The following PPP1R9A variants were observed in gnomAD, a reference collection of about 807,000 sequenced individuals.
The protein encoded by PPP1R9A is protein phosphatase 1 regulatory subunit 9A.
A neutral mutation model predicts 141.9 loss-of-function variants in PPP1R9A; 59 were observed. The ratio of observed to expected loss-of-function variants is 0.42; its 90% CI spans 0.34 to 0.52. PPP1R9A has a LOEUF of 0.52. PPP1R9A is among the 20% of genes least tolerant of loss of function. The pLI, the probability that PPP1R9A is intolerant of heterozygous loss-of-function variation, is 0.10. For synonymous variants in PPP1R9A, 500 were observed against 569.7 expected, an observed-to-expected ratio of 0.88 and a Z score of 1.74; for missense variants, 1,444 against 1,611.9, an observed-to-expected ratio of 0.90 and a Z score of 1.78.
At chr7:95,159,925 C>CAAAAAAAAA (rs751687197) in intron 4 of PPP1R9A, among the ~76,000 whole-genome samples, 1 of 106,672 alleles carries the variant, frequency 9.4e-6, no homozygotes, top group Non-Finnish European at 1.9e-5. Flanking sequence ...GACATTGTCT[C>CAAAAAAAAA]AAAAAAAAAA....
intron 2 of PPP1R9A, among the ~76,000 whole-genome samples, chr7:95,013,727 C>T (rs898491144): frequency 3.3e-5 from 5 of 151,962 alleles, no homozygotes; most frequent in Non-Finnish European, 2.9e-5. Context: ...GCTACCAGTG[C>T]AAAAAGAAAT....
At chr7:95,255,236 G>T (rs1799416362) in intron 12 of PPP1R9A, among the ~76,000 whole-genome samples, 1 of 152,130 alleles carries the variant, frequency 6.6e-6, no homozygotes, top group Admixed American at 6.6e-5. Context: ...TAGGCTAAAA[G>T]CTTGTAATAT....
intron 3 of PPP1R9A, among the ~76,000 whole-genome samples, chr7:95,119,537 A>G (rs1201488752): frequency 3.9e-5 from 6 of 152,060 alleles, no homozygotes; most frequent in African/African-American, 1.4e-4. Flanking sequence ...TCACTGCAAC[A>G]TCTGCCTCCC....
intron 16 of PPP1R9A, among the ~76,000 whole-genome samples, chr7:95,283,801 G>C (rs184870069): frequency 6.6e-6 from 1 of 152,272 alleles, no homozygotes; most frequent in East Asian, 1.9e-4. Flanking sequence ...CATGGCAATA[G>C]CAATACGAAA....
intron 2 of PPP1R9A, among the ~76,000 whole-genome samples, chr7:95,014,730 A>T (rs944038381): frequency 3.3e-5 from 5 of 152,068 alleles, no homozygotes; most frequent in African/African-American, 1.2e-4. Flanking sequence ...CATTACTATG[A>T]TAGTTGTAAA....
chr7:95,211,132 A>G (rs2152912031), intron 7 of PPP1R9A, among the ~76,000 whole-genome samples: 1 of 139,932 alleles, frequency 7.1e-6, no homozygotes, highest in Admixed American at 7.3e-5. Flanking sequence ...TGTATCCCAG[A>G]ACTTAAAGTA....
At chr7:95,266,788 A>G (rs1470687713) in intron 12 of PPP1R9A, among the ~76,000 whole-genome samples, 1 of 152,128 alleles carries the variant, frequency 6.6e-6, no homozygotes, top group African/African-American at 2.4e-5. Context: ...TACAGCTTTC[A>G]TCTACGTGGT....
At chr7:94,932,996 T>C (rs190903955) in intron 2 of PPP1R9A, among the ~76,000 whole-genome samples, 4 of 152,112 alleles carry the variant, frequency 2.6e-5, no homozygotes, top group Admixed American at 6.6e-5. Context: ...CACACAGATA[T>C]AGATTTTCTC....
chr7:95,161,953 A>G lies in PPP1R9A; in HGVS notation c.1736A>G (p.Asn579Ser), dbSNP rs1830518551. 6.2e-7 allele frequency: 1 copy of G among 1,608,736 alleles called. No individual in the cohort carries two copies. The highest frequency in any genetic ancestry group is 8.5e-7 in the Non-Finnish European group (1 of 1,176,696). ...AATTTTGCAGCAACAGTTCTCAGAA[A>G]CACCAAGGGCAACGTCAGGTAAATA... ...TQNFAATVLR[N>S]TKGNVRFVIG... The change falls in exon 5 of 20, where the codon AAC becomes AGC. Residue 579 changes from asparagine to serine, a missense_variant. Asn to Ser is a conservative substitution (Grantham distance 46). Coordinates refer to ENST00000433360, the MANE Select transcript of PPP1R9A (RefSeq NM_001166160.2).
intron 4 of PPP1R9A, chr7:95,155,834 T>C (rs1369000074): frequency 6.6e-6 from 1 of 152,266 alleles, no homozygotes; most frequent in Non-Finnish European, 1.5e-5. Flanking sequence ...ACATACAATC[T>C]ATTTAATATT....
chr7:95,170,103 G>C (rs1241742525), intron 5 of PPP1R9A, among the ~76,000 whole-genome samples: 2 of 151,672 alleles, frequency 1.3e-5, no homozygotes, highest in Non-Finnish European at 3.0e-5. Flanking sequence ...AATGTACATT[G>C]GATGGGATAA....
chr7:95,134,717 G>A (rs530188569), intron 4 of PPP1R9A, among the ~76,000 whole-genome samples: 6 of 152,308 alleles, frequency 3.9e-5, no homozygotes, highest in African/African-American at 7.2e-5. Context: ...TTACAGGCAT[G>A]AGCCACCACG....
At chr7:94,985,128 T>C (rs1323683943) in intron 2 of PPP1R9A, among the ~76,000 whole-genome samples, 1 of 152,206 alleles carries the variant, frequency 6.6e-6, no homozygotes, top group Non-Finnish European at 1.5e-5. Flanking sequence ...TCAGTTTCCA[T>C]GTAGTTGTGC....
intron 2 of PPP1R9A, among the ~76,000 whole-genome samples, chr7:94,924,377 A>G (rs1361725657): frequency 6.6e-6 from 1 of 152,188 alleles, no homozygotes; most frequent in Non-Finnish European, 1.5e-5. Context: ...TGTGAGTAGT[A>G]GCATTAGTGA....
chr7:95,187,683 G>A (rs1316384746), intron 5 of PPP1R9A, among the ~76,000 whole-genome samples: 1 of 152,128 alleles, frequency 6.6e-6, no homozygotes, highest in East Asian at 1.9e-4. Context: ...CTGTGTCCTA[G>A]AAGTTTTAAT....
At chr7:95,028,267 G>T (rs572864132) in intron 2 of PPP1R9A, among the ~76,000 whole-genome samples, 1 of 152,068 alleles carries the variant, frequency 6.6e-6, no homozygotes, top group Non-Finnish European at 1.5e-5. Flanking sequence ...GATCAATTTA[G>T]TAATGCAAAG....
At chr7:95,265,600 G>A (rs144209037) in intron 12 of PPP1R9A, among the ~76,000 whole-genome samples, 36 of 152,264 alleles carry the variant, frequency 2.4e-4, no homozygotes, top group African/African-American at 8.4e-4. Flanking sequence ...TGCATGTAGT[G>A]TCTTTGGTAG....
At chr7:95,105,832 T>C (rs535566124) in intron 2 of PPP1R9A, among the ~76,000 whole-genome samples, 121 of 152,348 alleles carry the variant, frequency 7.9e-4, no homozygotes, top group Non-Finnish European at 1.5e-3. Flanking sequence ...CATTGTGTAA[T>C]GACAGTGCAT....
At chr7:95,025,402 C>T (rs1034918348) in intron 2 of PPP1R9A, among the ~76,000 whole-genome samples, 4 of 152,072 alleles carry the variant, frequency 2.6e-5, no homozygotes, top group African/African-American at 9.7e-5. Context: ...TATTGGCCCC[C>T]ACTCTCTTCT....
Sources: gnomAD v4.1 joint callset for allele counts (sites outside exome capture counted in the v4.1 genomes callset) on GRCh38, gnomAD v4.1.1 for gene constraint, MANE v1.5 for transcripts, NCBI Gene and HGNC (gene_info 2026-07-23, HGNC 2026-07-21) for gene names.